The following PTCHD4 variants were observed in gnomAD, a reference collection of about 807,000 sequenced individuals.
The protein encoded by PTCHD4 is patched domain-containing protein 4.
A neutral mutation model predicts 58.1 loss-of-function variants in PTCHD4; 33 were observed. The observed-to-expected ratio is 0.57, with a 90% confidence interval of 0.43 to 0.76. PTCHD4 has a LOEUF of 0.76. Ranked by LOEUF, PTCHD4 falls within the 30% of genes least tolerant of loss-of-function variation. The pLI is 0.00. For missense variants in PTCHD4, 1,058 were observed against 1,027.1 expected (o/e 1.03, Z -0.41); for synonymous variants, 478 against 409.6 (o/e 1.17, Z -2.02).
chr6:47,900,495 C>G (rs956060194), intron 4 of PTCHD4: 1 of 152,136 alleles, frequency 6.6e-6, no homozygotes, highest in South Asian at 2.1e-4. Context: ...TGTAATAGTC[C>G]TTTAAATATT....
chr6:48,080,414 G>A (rs1407388379), intron 1 of PTCHD4, among the ~76,000 whole-genome samples: 1 of 152,168 alleles, frequency 6.6e-6, no homozygotes, highest in Non-Finnish European at 1.5e-5. Flanking sequence ...TAGAAACTGT[G>A]ATGAAACGTC....
At chr6:48,073,012 T>C (rs879900683) in intron 1 of PTCHD4, among the ~76,000 whole-genome samples, 4 of 152,172 alleles carry the variant, frequency 2.6e-5, no homozygotes, top group Non-Finnish European at 5.9e-5. Context: ...ATAAGTTATA[T>C]GATAAAAAGA....
intron 4 of PTCHD4, among the ~76,000 whole-genome samples, chr6:47,916,452 T>C (rs1222867480): frequency 6.6e-6 from 1 of 151,918 alleles, no homozygotes; most frequent in Non-Finnish European, 1.5e-5. Flanking sequence ...GATGGACCAT[T>C]TTGAGCCAAA....
chr6:47,991,177 G>C (rs766473508), intron 4 of PTCHD4, among the ~76,000 whole-genome samples: 7 of 152,106 alleles, frequency 4.6e-5, no homozygotes, highest in Non-Finnish European at 1.5e-5. Flanking sequence ...TGAATCCTCA[G>C]TGAGACAAAT....
At chr6:48,102,687 G>A (rs981317366) in intron 1 of PTCHD4, among the ~76,000 whole-genome samples, 1 of 152,204 alleles carries the variant, frequency 6.6e-6, no homozygotes, top group Admixed American at 6.5e-5. Flanking sequence ...GGAAGTGCAA[G>A]GAATTCTCTT....
At chr6:48,073,716 T>C (rs74684136) in intron 1 of PTCHD4, among the ~76,000 whole-genome samples, 24,518 of 152,122 alleles carry the variant, frequency 0.16, 2,035 homozygotes, top group African/African-American at 0.22. Flanking sequence ...TCCTAGCCTA[T>C]GAGTTGCAGA....
chr6:47,890,729 C>A (rs142014410), intron 4 of PTCHD4, among the ~76,000 whole-genome samples: 3 of 152,054 alleles, frequency 2.0e-5, no homozygotes, highest in Non-Finnish European at 2.9e-5. Flanking sequence ...GGGGGATTCC[C>A]GGAGCTCTCT....
chr6:48,006,291 G>A (rs1270159720), intron 4 of PTCHD4, among the ~76,000 whole-genome samples: 2 of 152,172 alleles, frequency 1.3e-5, no homozygotes, highest in Admixed American at 1.3e-4. Flanking sequence ...TAGCATTCCA[G>A]TTATTTGTTT....
chr6:47,901,676 C>T (rs556187327), intron 4 of PTCHD4: 195 of 1,153,438 alleles, frequency 1.7e-4, no homozygotes, highest in Non-Finnish European at 1.7e-4. Context: ...GAAAGAAATA[C>T]CTGGAGGATA....
chr6:48,041,113 C>T (rs1053890010), intron 3 of PTCHD4, among the ~76,000 whole-genome samples: 1 of 151,910 alleles, frequency 6.6e-6, no homozygotes, highest in African/African-American at 2.4e-5. Flanking sequence ...GCTTTGTTTC[C>T]TAAATAAACT....
intron 1 of PTCHD4, among the ~76,000 whole-genome samples, chr6:48,105,128 C>T (rs1384346885): frequency 1.3e-5 from 2 of 152,144 alleles, no homozygotes; most frequent in Non-Finnish European, 2.9e-5. Context: ...GAACTCTCCA[C>T]CCCAAATCAA....
rs576661418 is a variant in PTCHD4 at position 47,946,992 on chromosome 6, G to A, written c.898+61642C>T. 8.6e-5 allele frequency among the ~76,000 whole-genome samples: 13 copies of A among 151,928 alleles called. No individual in the cohort carries two copies. The South Asian group carries it at 1.0e-3, about 12-fold the overall frequency. On this transcript the variant is annotated intron_variant, in intron 4 of 4. Transcript: ENST00000339488. ...CTGAGGCCTACAGGTGTGCACCACC[G>A]TGCCCAACTAATTTTTTTATTTTGT...
intron 1 of PTCHD4, among the ~76,000 whole-genome samples, chr6:48,109,480 A>G (rs1456398590): frequency 1.3e-5 from 2 of 152,114 alleles, no homozygotes; most frequent in South Asian, 2.1e-4. Flanking sequence ...CTGGAAGAAA[A>G]CATAGGGCCT....
chr6:47,864,783 T>C lies in PTCHD4; in HGVS notation c.*13520A>G, dbSNP rs578145460. ...TGTGTGAAATATTTGACAGGACAATTATACCATAGGAAAAGTTTTGAATTA... is the reference window on the plus strand; with the variant it reads ...TGTGTGAAATATTTGACAGGACAATCATACCATAGGAAAAGTTTTGAATTA... On this transcript the variant is annotated 3_prime_UTR_variant, in exon 5 of 5. Transcript: ENST00000339488. Among the ~76,000 whole-genome samples the C allele has an allele frequency of 2.0e-5, 3 of 152,078 alleles. No individual in the cohort carries two copies. The East Asian group carries it at 5.8e-4, about 30-fold the overall frequency.
chr6:47,981,914 T>C lies in PTCHD4; in HGVS notation c.898+26720A>G, dbSNP rs548375174. On this transcript the variant is annotated intron_variant, in intron 4 of 4. Coordinates refer to ENST00000339488, the MANE Select transcript of PTCHD4 (RefSeq NM_001384253.1). ...TTTTTGTGAGGAAAGATTACTCCTG[T>C]TTTGCTCAACTTTTCCTAACGTTTT... Among the ~76,000 whole-genome samples the C allele has an allele frequency of 2.6e-5, 4 of 152,190 alleles. No individual in the cohort carries two copies. In the South Asian group the frequency reaches 8.3e-4, roughly 32 times the overall value.
At chr6:47,995,605 G>A (rs1768457460) in intron 4 of PTCHD4, among the ~76,000 whole-genome samples, 1 of 152,020 alleles carries the variant, frequency 6.6e-6, no homozygotes, top group Admixed American at 6.6e-5. Flanking sequence ...ACAATTTCTT[G>A]ACCCATAAGA....
At chr6:48,083,561 G>A (rs1271437205) in intron 1 of PTCHD4, among the ~76,000 whole-genome samples, 1 of 152,134 alleles carries the variant, frequency 6.6e-6, no homozygotes, top group Non-Finnish European at 1.5e-5. Context: ...GATTATGGGG[G>A]TTAAAATGGA....
intron 4 of PTCHD4, among the ~76,000 whole-genome samples, chr6:47,906,206 G>A (rs1215823495): frequency 1.3e-5 from 2 of 152,196 alleles, no homozygotes; most frequent in Admixed American, 6.5e-5. Flanking sequence ...CTACACACAC[G>A]AAGAGTTTAA....
At chr6:47,926,130 G>A (rs1428652205) in intron 4 of PTCHD4, among the ~76,000 whole-genome samples, 1 of 152,196 alleles carries the variant, frequency 6.6e-6, no homozygotes, top group African/African-American at 2.4e-5. Context: ...AAATGCAATT[G>A]TCACAATCTT....
Sources: gnomAD v4.1 joint callset for allele counts (sites outside exome capture counted in the v4.1 genomes callset) on GRCh38, gnomAD v4.1.1 for gene constraint, MANE v1.5 for transcripts, NCBI Gene and HGNC (gene_info 2026-07-23, HGNC 2026-07-21) for gene names.